Variants in NAGLU observed in about 807,000 individuals in gnomAD.
NAGLU encodes alpha-N-acetylglucosaminidase.
A neutral mutation model predicts 43.4 loss-of-function variants in NAGLU; 34 were observed. The observed-to-expected ratio is 0.78, with a 90% CI of 0.60 to 1.04. NAGLU has a LOEUF of 1.04. Among genes scored for constraint, NAGLU ranks in the 50% least tolerant of loss-of-function variants. The pLI, the probability that NAGLU is intolerant of heterozygous loss-of-function variation, is 0.00. For missense variants in NAGLU, 910 were observed against 993.7 expected (o/e 0.92, Z 1.13); for synonymous variants, 425 against 437.6 (o/e 0.97, Z 0.36).
chr17:42,538,185 C>G (rs1360402238), intron 2 of NAGLU, among the ~76,000 whole-genome samples, 154 bp from the exon 3 acceptor site: 1 of 152,238 alleles, frequency 6.6e-6, no homozygotes, highest in African/African-American at 2.4e-5. Flanking sequence ...AGGTCTCTTT[C>G]CTCTGGGCTG....
In NAGLU at chr17:42,541,117, C is replaced by A. The variant is rs1292183345; in HGVS notation, c.932C>A (p.Ala311Asp). The change falls in exon 5 of 6, where the codon GCC becomes GAC. Residue 311 changes from alanine to aspartate, a missense_variant. Coordinates refer to ENST00000225927, the MANE Select transcript of NAGLU (RefSeq NM_000263.4). The stretch of plus-strand genomic sequence containing the variant: ...TTTGGCACAGACCACATCTATGGGG[C>A]CGACACTTTCAATGAGATGCAGCCA... The part of the protein sequence containing the change: ...KEFGTDHIYG[A>D]DTFNEMQPPS... 1 of 1,614,038 alleles carries A rather than the reference C, an allele frequency of 6.2e-7. No homozygotes were observed. Among genetic ancestry groups the A allele is most frequent in the South Asian group, 1.1e-5 (1 of 91,082 alleles).
intron 5 of NAGLU, among the ~76,000 whole-genome samples, chr17:42,541,825 C>CCAG (rs371083564): frequency 5.9e-5 from 9 of 151,998 alleles, no homozygotes; most frequent in African/African-American, 1.9e-4. Context: ...TGACCCAAAA[C>CCAG]CAGCAGCAGC....
chr17:42,542,890 C>T, intron 5 of NAGLU, 138 bp from the exon 6 acceptor site: 1 of 1,348,750 alleles, frequency 7.4e-7, no homozygotes, highest in Non-Finnish European at 1.0e-6. Flanking sequence ...CGCGTATGTG[C>T]CACAGAGCGT....
In NAGLU at chr17:42,543,226, T is replaced by C; in HGVS notation, c.1220T>C (p.Leu407Pro). ...GGCCAGCCCTTCATCTGGTGCATGC[T>C]GCACAACTTTGGGGGAAACCATGGT... ...FQGQPFIWCM[L>P]HNFGGNHGLF... Residue 407 changes from leucine (L) to proline (P), a missense_variant, in exon 6 of 6, where the codon CTG (leucine) becomes CCG (proline). Coordinates refer to ENST00000225927, the MANE Select transcript of NAGLU (RefSeq NM_000263.4). The C allele has an allele frequency of 6.2e-7, 1 of 1,614,244 alleles. No homozygotes were observed.
intron 1 of NAGLU, 57 bp downstream of exon 1, chr17:42,536,712 G>T: frequency 3.7e-6 from 5 of 1,365,796 alleles, no homozygotes; most frequent in Non-Finnish European, 4.7e-6. Context: ...TCCCGGAGCC[G>T]CTGCCACCCA....
At position 42,538,746 on chromosome 17, in the gene NAGLU, C is replaced by T; in HGVS notation, c.755C>T (p.Ala252Val). Residue 252 changes from alanine to valine, a missense_variant, in exon 4 of 6, where the codon GCT becomes GTT. By Grantham distance (64) the Ala-to-Val change is moderately conservative. Transcript: ENST00000225927. ...LPAFAGHVPE[A>V]VTRVFPQVNV... Reference sequence around the variant, plus strand: ...GCATTCGCGGGGCATGTTCCCGAGGCTGTCACCAGGTGAGGTTCCGCTCAC... The same window carrying T: ...GCATTCGCGGGGCATGTTCCCGAGGTTGTCACCAGGTGAGGTTCCGCTCAC... 6.2e-7 allele frequency: 1 copy of T among 1,613,972 alleles called. No individual in the cohort carries two copies. Among genetic ancestry groups the T allele is most frequent in the Non-Finnish European group, 8.5e-7 (1 of 1,180,038 alleles).
At chr17:42,538,512 A>G (rs1262942410) in intron 3 of NAGLU, 27 bp downstream of exon 3, 1 of 1,613,606 alleles carries the variant, frequency 6.2e-7, no homozygotes, top group African/African-American at 1.3e-5. Flanking sequence ...GGGAAGGGGC[A>G]GAATCGGTGA....
At chr17:42,538,572 C>G (rs2092913379) in intron 3 of NAGLU, 87 bp downstream of exon 3, 1 of 1,612,586 alleles carries the variant, frequency 6.2e-7, no homozygotes, top group Non-Finnish European at 8.5e-7. Flanking sequence ...CCCCAGGGCT[C>G]TTAACTGAGG....
chr17:42,536,731 G>C (rs1035580518), intron 1 of NAGLU, 76 bp downstream of exon 1: 23 of 1,354,990 alleles, frequency 1.7e-5, no homozygotes, highest in Non-Finnish European at 2.1e-5. Context: ...CAAATCGGGA[G>C]GCTGAGCGGG....
chr17:42,537,312 TC>T (rs774315004), intron 1 of NAGLU, 85 bp from the exon 2 acceptor site: 4 of 1,594,636 alleles, frequency 2.5e-6, no homozygotes, highest in Non-Finnish European at 3.4e-6. Context: ...CCCTCCCCTC[TC>T]CTCTAGGTGG....
chr17:42,543,770 G>A lies in NAGLU; in HGVS notation c.1764G>A (p.Leu588=). 1 of 1,610,782 alleles carries A rather than the reference G, an allele frequency of 6.2e-7. No individual in the cohort carries two copies. The highest frequency in any genetic ancestry group is 8.5e-7 in the Non-Finnish European group (1 of 1,179,516). The change falls in exon 6 of 6, where the codon CTG becomes CTA. Residue 588 remains leucine (L), a synonymous_variant. Transcript: ENST00000225927. ...EARSAYLSKE[L]ASLLRAGGVL... is the part of the protein sequence containing the mutation. ...GAAGCGCCTACCTGAGCAAGGAGCT[G>A]GCCTCCCTGTTGAGGGCTGGAGGCG...
chr17:42,540,895 A>G, intron 4 of NAGLU, 55 bp from the exon 5 acceptor site: 1 of 1,613,870 alleles, frequency 6.2e-7, no homozygotes, highest in Admixed American at 1.7e-5. Context: ...GTTGAACACT[A>G]TGGTGAACAC....
In NAGLU at chr17:42,538,664, CTCCAG is replaced by C. The variant is rs1167562406; in HGVS notation, c.679-5_679-1del. ...ATGCTCACCACCCTTCCTTCTGTTCCTCCAGCACCGGGTCCTGGACCAGATGCGCT... is the reference window on the plus strand; with the variant it reads ...ATGCTCACCACCCTTCCTTCTGTTCCCACCGGGTCCTGGACCAGATGCGCT... On this transcript the variant is annotated splice_acceptor_variant and splice_polypyrimidine_tract_variant and intron_variant, in intron 3 of 5. Transcript: ENST00000225927. LOFTEE classifies it high-confidence loss of function. 1.2e-6 allele frequency: 2 copies of C among 1,613,954 alleles called. No individual in the cohort carries two copies. The highest frequency in any genetic ancestry group is 4.5e-5 in the East Asian group (2 of 44,884).
At position 42,544,287 on chromosome 17, in the gene NAGLU, T is replaced by G. The variant is rs1223263376; in HGVS notation, c.*49T>G. On this transcript the variant is annotated 3_prime_UTR_variant, in exon 6 of 6. Coordinates refer to ENST00000225927, the MANE Select transcript of NAGLU (RefSeq NM_000263.4). ...GTTTTCCGCTAATTCCAGGGCAGAT[T>G]CCAGGGCCCAGAGCTGGACAGACAT... 19 of 1,600,602 alleles carry G rather than the reference T, an allele frequency of 1.2e-5. No individual in the cohort carries two copies. The highest frequency in any genetic ancestry group is 1.6e-5 in the Non-Finnish European group (19 of 1,179,832).
At position 42,543,566 on chromosome 17, in the gene NAGLU, G is replaced by A. The variant is rs770861955; in HGVS notation, c.1560G>A (p.Arg520=). ...ACAATCGTAGCCCGCTGGTCAGGCGGCCGTCCCTACAGATGAATACCAGCA... is the reference window on the plus strand; with the variant it reads ...ACAATCGTAGCCCGCTGGTCAGGCGACCGTCCCTACAGATGAATACCAGCA... ...RGHNRSPLVR[R]PSLQMNTSIW... Residue 520 remains arginine (R), a synonymous_variant, in exon 6 of 6, where the codon CGG becomes CGA. Transcript: ENST00000225927. 1 of 1,612,116 alleles carries A rather than the reference G, an allele frequency of 6.2e-7. No individual in the cohort carries two copies. The highest frequency in any genetic ancestry group is 1.1e-5 in the South Asian group (1 of 90,988).
At position 42,537,471 on chromosome 17, in the gene NAGLU, G is replaced by T. The variant is rs1352416909; in HGVS notation, c.457G>T (p.Glu153Ter). Residue 153 changes from glutamate (E) to a stop codon, truncating the protein, a stop_gained, in exon 2 of 6, where the codon GAG becomes TAG. Coordinates refer to ENST00000225927, the MANE Select transcript of NAGLU (RefSeq NM_000263.4). LOFTEE classifies it high-confidence loss of function. ...GTGGGACTGGGCCCGCTGGGAGCGAGAGATAGACTGGATGGCGCTGAATGG... is the reference window on the plus strand; with the variant it reads ...GTGGGACTGGGCCCGCTGGGAGCGATAGATAGACTGGATGGCGCTGAATGG... ...VWWDWARWEREIDWMALNGIN... is the reference protein window; with the variant it reads ...VWWDWARWER 3 of 1,614,146 alleles carry T rather than the reference G, an allele frequency of 1.9e-6. No individual in the cohort carries two copies. Among genetic ancestry groups the T allele is most frequent in the Non-Finnish European group, 2.5e-6 (3 of 1,180,044 alleles).
In NAGLU at chr17:42,544,258, C is replaced by G. The variant is rs747393759; in HGVS notation, c.*20C>G. On this transcript the variant is annotated 3_prime_UTR_variant, in exon 6 of 6. Coordinates refer to ENST00000225927, the MANE Select transcript of NAGLU (RefSeq NM_000263.4). ...TGGTGATAGATTCGCCACCACTGGG[C>G]CTTGTTTTCCGCTAATTCCAGGGCA... 6.2e-7 allele frequency: 1 copy of G among 1,604,900 alleles called. No homozygotes were observed. The highest frequency in any genetic ancestry group is 8.5e-7 in the Non-Finnish European group (1 of 1,179,982).
rs1455286651 is a variant in NAGLU at position 42,544,228 on chromosome 17, G to A, written c.2222G>A (p.Gly741Asp). 2 of 1,609,240 alleles carry A rather than the reference G, an allele frequency of 1.2e-6. No homozygotes were observed. The highest frequency in any genetic ancestry group is 2.7e-5 in the African/African-American group (2 of 74,936). Residue 741 changes from glycine to aspartate, a missense_variant, in exon 6 of 6, where the codon GGC becomes GAC. Gly to Asp is a moderately conservative substitution (Grantham distance 94). Transcript: ENST00000225927. ...AAATATTACCCCCGCTGGGTGGCCG[G>A]CTCTTGGTGATAGATTCGCCACCAC... ...FLKYYPRWVAGSW is the reference protein window; with the variant it reads ...FLKYYPRWVADSW
chr17:42,544,170 G>A lies in NAGLU; in HGVS notation c.2164G>A (p.Asp722Asn), dbSNP rs367726645. Residue 722 changes from aspartate (D) to asparagine (N), a missense_variant, in exon 6 of 6, where the codon GAC becomes AAC. Transcript: ENST00000225927. ...GAGGTACCCCAGCCAGCCGCGAGGA[G>A]ACACTGTGGACCTGGCCAAGAAGAT... ...KQRYPSQPRGDTVDLAKKIFL... is the reference protein window; with the variant it reads ...KQRYPSQPRGNTVDLAKKIFL... The A allele has an allele frequency of 1.4e-4, 227 of 1,613,560 alleles. 1 individual carries two copies. The South Asian group carries it at 2.3e-3, about 16-fold the overall frequency.
Sources: gnomAD v4.1 joint callset for allele counts (sites outside exome capture counted in the v4.1 genomes callset) on GRCh38, gnomAD v4.1.1 for gene constraint, MANE v1.5 for transcripts, NCBI Gene and HGNC (gene_info 2026-07-23, HGNC 2026-07-21) for gene names.